DYTN: variants seen among roughly 807,000 people sequenced by gnomAD.
The protein encoded by DYTN is dystrotelin.
In DYTN, 75 loss-of-function variants were observed where a neutral mutation model predicts 69.6. The observed-to-expected ratio is 1.08, with a 90% CI of 0.89 to 1.31. The LOEUF (loss-of-function observed/expected upper bound fraction) is 1.31, where lower values mean the gene tolerates loss of function less well. DYTN is among the 50% of genes most tolerant of loss of function. The pLI is 0.00. For missense variants in DYTN, 726 were observed against 688.4 expected, an observed-to-expected ratio of 1.05 and a Z score of -0.61; for synonymous variants, 252 against 249.1, an observed-to-expected ratio of 1.01 and a Z score of -0.11.
chr2:206,683,416 T>C (rs1005709229), intron 9 of DYTN, among the ~76,000 whole-genome samples: 1 of 147,356 alleles, frequency 6.8e-6, no homozygotes, highest in Non-Finnish European at 1.5e-5. Context: ...CTCTCTTGGC[T>C]CACTGCAACC....
chr2:206,668,936 T>C (rs953434204), intron 9 of DYTN, among the ~76,000 whole-genome samples: 1 of 152,196 alleles, frequency 6.6e-6, no homozygotes, highest in Non-Finnish European at 1.5e-5. Context: ...AGGTGTCTGC[T>C]TCTCCTTTGC....
chr2:206,665,318 T>C (rs1004179955), intron 10 of DYTN, among the ~76,000 whole-genome samples: 32 of 152,290 alleles, frequency 2.1e-4, no homozygotes, highest in African/African-American at 7.2e-4. Context: ...GGTTTATTAT[T>C]TTTATGTTTT....
Position 206,651,932 on chromosome 2 carries a change from C to A in DYTN, c.1634-11G>T. On this transcript the variant is annotated splice_polypyrimidine_tract_variant and intron_variant, in intron 11 of 11. Coordinates refer to ENST00000452335, the MANE Select transcript of DYTN (RefSeq NM_001093730.1). ...CTGAAGACTCCGGGCCTGAAATCAA[C>A]AAACAAGAGAGTCATTTAGAGAAAC... is the stretch of plus-strand genomic sequence containing the variant. 6.2e-7 allele frequency: 1 copy of A among 1,607,304 alleles called. No individual in the cohort carries two copies. The highest frequency in any genetic ancestry group is 1.1e-5 in the South Asian group (1 of 90,298).
intron 10 of DYTN, among the ~76,000 whole-genome samples, chr2:206,665,211 G>T (rs1699556932): frequency 6.6e-6 from 1 of 152,106 alleles, no homozygotes; most frequent in African/African-American, 2.4e-5. Flanking sequence ...ATTAAGCCAG[G>T]TATTTAAAGA....
intron 9 of DYTN, among the ~76,000 whole-genome samples, chr2:206,675,780 C>T (rs781008831): frequency 6.6e-6 from 1 of 152,112 alleles, no homozygotes; most frequent in Non-Finnish European, 1.5e-5. Flanking sequence ...GGGATATGAA[C>T]AGACACTTCT....
At chr2:206,710,285 T>C (rs185601962) in intron 2 of DYTN, among the ~76,000 whole-genome samples, 212 of 152,318 alleles carry the variant, frequency 1.4e-3, no homozygotes, top group African/African-American at 4.8e-3. Flanking sequence ...ATTTAAAAAA[T>C]TAAAAATCCT....
Position 206,684,408 on chromosome 2 carries a change from G to A in DYTN, c.980+8767C>T, listed in dbSNP as rs377447683. Reference sequence around the variant, plus strand: ...CAGCATTGACCCCCTGGACTCCAGCGATCCTCCTACCTCAGCCTCCCAAGT... The same window carrying A: ...CAGCATTGACCCCCTGGACTCCAGCAATCCTCCTACCTCAGCCTCCCAAGT... On this transcript the variant is annotated intron_variant, in intron 9 of 11. Coordinates refer to ENST00000452335, the MANE Select transcript of DYTN (RefSeq NM_001093730.1). 5.9e-5 allele frequency among the ~76,000 whole-genome samples: 9 copies of A among 152,052 alleles called. No homozygotes were observed. In the East Asian group the frequency reaches 7.7e-4, roughly 13 times the overall value.
At chr2:206,713,753 C>T (rs1700101540) in intron 1 of DYTN, among the ~76,000 whole-genome samples, 1 of 152,126 alleles carries the variant, frequency 6.6e-6, no homozygotes. Flanking sequence ...GAGTTTACAC[C>T]CAGAAACGCT....
intron 5 of DYTN, among the ~76,000 whole-genome samples, chr2:206,702,411 G>T (rs1699985160): frequency 6.6e-6 from 1 of 152,224 alleles, no homozygotes; most frequent in Non-Finnish European, 1.5e-5. Context: ...CAGGAAAGTG[G>T]CACTCAGAAC....
At chr2:206,665,380 A>G (rs981788181) in intron 10 of DYTN, among the ~76,000 whole-genome samples, 2 of 151,676 alleles carry the variant, frequency 1.3e-5, no homozygotes, top group African/African-American at 4.8e-5. Context: ...TAATTTTATT[A>G]CTTATTTAAT....
chr2:206,661,135 A>G (rs535659819), intron 11 of DYTN, among the ~76,000 whole-genome samples: 4 of 152,212 alleles, frequency 2.6e-5, no homozygotes, highest in Non-Finnish European at 5.9e-5. Context: ...GAAGACAGCC[A>G]TTTGCAAGCC....
chr2:206,668,665 G>A (rs1047710869), intron 9 of DYTN, among the ~76,000 whole-genome samples: 10 of 152,234 alleles, frequency 6.6e-5, no homozygotes, highest in Middle Eastern at 3.4e-3. Flanking sequence ...AGCTAATCAT[G>A]CCCAAAGCAG....
At chr2:206,652,437 A>G (rs1184666122) in intron 11 of DYTN, among the ~76,000 whole-genome samples, 1 of 152,232 alleles carries the variant, frequency 6.6e-6, no homozygotes, top group Non-Finnish European at 1.5e-5. Context: ...ATTGTGGTAT[A>G]GAAAGATCTA....
chr2:206,714,147 T>C (rs1700105234), intron 1 of DYTN, among the ~76,000 whole-genome samples: 1 of 152,206 alleles, frequency 6.6e-6, no homozygotes, highest in Non-Finnish European at 1.5e-5. Context: ...GTCTAAGCTA[T>C]TTTCACTCCT....
intron 1 of DYTN, among the ~76,000 whole-genome samples, chr2:206,715,405 A>C (rs2105903932): frequency 6.6e-6 from 1 of 152,080 alleles, no homozygotes; most frequent in Admixed American, 6.5e-5. Context: ...CAGCACAGGG[A>C]GCCCGCCAGC....
chr2:206,681,123 C>A (rs1403489658), intron 9 of DYTN, among the ~76,000 whole-genome samples: 1 of 152,040 alleles, frequency 6.6e-6, no homozygotes, highest in East Asian at 1.9e-4. Context: ...GTATTTTATT[C>A]TCTTTGTAGT....
In DYTN at chr2:206,662,907, T is replaced by C. The variant is rs778741427; in HGVS notation, c.1629A>G (p.Pro543=). The C allele has an allele frequency of 1.2e-6, 2 of 1,611,372 alleles. No homozygotes were observed. Among genetic ancestry groups the C allele is most frequent in the South Asian group, 2.2e-5 (2 of 90,592 alleles). ...KLMDAFNLET[P]SGPESSVNMD... ...TATGGATTGTGAAAACCTTACCTGATGGCGTTTCTAGATTGAAGGCATCCA... is the reference window on the plus strand; with the variant it reads ...TATGGATTGTGAAAACCTTACCTGACGGCGTTTCTAGATTGAAGGCATCCA... Residue 543 remains proline, a synonymous_variant, in exon 11 of 12, where the codon CCA becomes CCG. Coordinates refer to ENST00000452335, the MANE Select transcript of DYTN (RefSeq NM_001093730.1).
At chr2:206,675,660 T>C (rs754372045) in intron 9 of DYTN, among the ~76,000 whole-genome samples, 9 of 152,130 alleles carry the variant, frequency 5.9e-5, no homozygotes, top group Non-Finnish European at 1.2e-4. Context: ...ATAGGTTTAA[T>C]GCAAAGCTAA....
chr2:206,686,105 G>A (rs1699802863), intron 9 of DYTN, among the ~76,000 whole-genome samples: 1 of 152,080 alleles, frequency 6.6e-6, no homozygotes, highest in African/African-American at 2.4e-5. Context: ...TGTGGGGAGT[G>A]CTCAGCTACT....
Sources: gnomAD v4.1 joint callset for allele counts (sites outside exome capture counted in the v4.1 genomes callset) on GRCh38, gnomAD v4.1.1 for gene constraint, MANE v1.5 for transcripts, NCBI Gene and HGNC (gene_info 2026-07-23, HGNC 2026-07-21) for gene names.